Variants in CTNNA3 observed in about 807,000 individuals in gnomAD.
CTNNA3 encodes the protein catenin alpha-3.
CTNNA3 carries 76 observed loss-of-function variants against 95.7 expected under a neutral mutation model. That is an observed-to-expected ratio of 0.79 (90% CI 0.66 to 0.96). CTNNA3 has a LOEUF of 0.96. CTNNA3 is among the 40% of genes least tolerant of loss of function. CTNNA3 has a pLI of 0.00. For synonymous variants in CTNNA3, 431 were observed against 374.4 expected, an observed-to-expected ratio of 1.15 and a Z score of -1.74; for missense variants, 1,191 against 1,089.8, an observed-to-expected ratio of 1.09 and a Z score of -1.31.
intron 7 of CTNNA3, among the ~76,000 whole-genome samples, chr10:66,786,371 C>A (rs1394337869): frequency 1.3e-5 from 2 of 152,108 alleles, no homozygotes; most frequent in Non-Finnish European, 2.9e-5. Flanking sequence ...CTTCAGCTCT[C>A]CTTCCTCCTC....
intron 5 of CTNNA3, among the ~76,000 whole-genome samples, chr10:67,489,412 T>C (rs1848570372): frequency 6.6e-6 from 1 of 152,170 alleles, no homozygotes; most frequent in African/African-American, 2.4e-5. Context: ...AAATGAATCA[T>C]TACTTCTCAA....
intron 1 of CTNNA3, among the ~76,000 whole-genome samples, chr10:67,735,625 T>C (rs1410989463): frequency 2.0e-5 from 3 of 152,122 alleles, no homozygotes; most frequent in African/African-American, 7.2e-5. Context: ...ATTAAGATGG[T>C]TATGTTTTTA....
At chr10:66,702,772 C>T (rs1336513597) in intron 9 of CTNNA3, among the ~76,000 whole-genome samples, 1 of 137,764 alleles carries the variant, frequency 7.3e-6, no homozygotes, top group African/African-American at 3.0e-5. Flanking sequence ...TAGCCATCGT[C>T]GTCGTCGTTG....
intron 5 of CTNNA3, among the ~76,000 whole-genome samples, chr10:67,230,463 GC>G (rs1277768059): frequency 1.3e-5 from 2 of 152,066 alleles, no homozygotes; most frequent in African/African-American, 4.8e-5. Context: ...AAACTAAAGA[GC>G]TTTTGCATGG....
At chr10:66,335,022 C>T (rs538872562) in intron 12 of CTNNA3, among the ~76,000 whole-genome samples, 8 of 152,170 alleles carry the variant, frequency 5.3e-5, no homozygotes, top group East Asian at 1.9e-4. Flanking sequence ...TTGATCGAAT[C>T]GGCTACTGAG....
intron 11 of CTNNA3, among the ~76,000 whole-genome samples, chr10:66,446,116 T>C (rs1270043701): frequency 1.3e-5 from 2 of 152,074 alleles, no homozygotes; most frequent in African/African-American, 2.4e-5. Flanking sequence ...CTCCCAAGAC[T>C]AAACCAGGAA....
chr10:66,610,300 T>C (rs1036970504), intron 10 of CTNNA3, among the ~76,000 whole-genome samples: 4 of 152,066 alleles, frequency 2.6e-5, no homozygotes, highest in South Asian at 4.1e-4. Flanking sequence ...GCTTACCCTA[T>C]GTAACAAACC....
At chr10:67,264,484 C>A (rs1021410217) in intron 5 of CTNNA3, among the ~76,000 whole-genome samples, 4 of 152,154 alleles carry the variant, frequency 2.6e-5, no homozygotes, top group Non-Finnish European at 5.9e-5. Flanking sequence ...AGGTAAGTAA[C>A]ATGCCCAGTT....
chr10:67,224,115 G>A (rs1046412902), intron 5 of CTNNA3, among the ~76,000 whole-genome samples: 4 of 152,096 alleles, frequency 2.6e-5, no homozygotes, highest in African/African-American at 9.7e-5. Flanking sequence ...GAACATGTAA[G>A]ATCTATTCTC....
At chr10:66,606,469 T>C (rs1303155533) in intron 10 of CTNNA3, among the ~76,000 whole-genome samples, 1 of 152,092 alleles carries the variant, frequency 6.6e-6, no homozygotes, top group Non-Finnish European at 1.5e-5. Context: ...AATACATTCT[T>C]CTCATCACCA....
intron 5 of CTNNA3, among the ~76,000 whole-genome samples, chr10:67,220,245 T>C (rs990962250): frequency 6.6e-5 from 10 of 152,214 alleles, no homozygotes; most frequent in Admixed American, 1.3e-4. Flanking sequence ...TCCATAGATG[T>C]TGATAATTGC....
At chr10:65,984,100 T>C (rs911519239) in intron 16 of CTNNA3, among the ~76,000 whole-genome samples, 3 of 151,324 alleles carry the variant, frequency 2.0e-5, no homozygotes, top group African/African-American at 7.2e-5. Context: ...GAATGGATAT[T>C]ACTGTTTGAC....
At chr10:66,898,180 T>C (rs1845578277) in intron 7 of CTNNA3, among the ~76,000 whole-genome samples, 1 of 152,186 alleles carries the variant, frequency 6.6e-6, no homozygotes, top group Admixed American at 6.5e-5. Flanking sequence ...AACAACTCAA[T>C]GGTCATATCT....
intron 7 of CTNNA3, among the ~76,000 whole-genome samples, chr10:66,979,766 A>G (rs1005017991): frequency 3.9e-5 from 6 of 152,214 alleles, no homozygotes; most frequent in African/African-American, 1.4e-4. Context: ...ATCATAATAG[A>G]ACTACAGCTT....
chr10:66,209,400 A>T (rs1431720119), intron 13 of CTNNA3, among the ~76,000 whole-genome samples: 1 of 152,196 alleles, frequency 6.6e-6, no homozygotes, highest in Non-Finnish European at 1.5e-5. Flanking sequence ...AGTCAGTTAC[A>T]ATTTTAAATA....
At chr10:67,142,349 A>T (rs975682461) in intron 7 of CTNNA3, among the ~76,000 whole-genome samples, 1 of 152,170 alleles carries the variant, frequency 6.6e-6, no homozygotes, top group African/African-American at 2.4e-5. Flanking sequence ...AAATTTTTTT[A>T]ATGTGTATTA....
At chr10:66,859,168 A>G (rs1205902462) in intron 7 of CTNNA3, among the ~76,000 whole-genome samples, 4 of 152,088 alleles carry the variant, frequency 2.6e-5, no homozygotes, top group Non-Finnish European at 5.9e-5. Context: ...AGGAGTGTGT[A>G]TTAAGAAAAT....
chr10:67,131,397 T>C (rs1310228076), intron 7 of CTNNA3, among the ~76,000 whole-genome samples: 2 of 152,126 alleles, frequency 1.3e-5, no homozygotes, highest in African/African-American at 2.4e-5. Context: ...TGTGAAACCA[T>C]TTAAACAATA....
intron 9 of CTNNA3, among the ~76,000 whole-genome samples, chr10:66,671,552 T>C (rs1411363699): frequency 1.3e-5 from 2 of 152,216 alleles, no homozygotes; most frequent in African/African-American, 4.8e-5. Context: ...TTAAAGTACT[T>C]TTGAATTTTC....
Sources: allele counts gnomAD v4.1 joint callset (sites outside exome capture counted in the v4.1 genomes callset), GRCh38; gene constraint gnomAD v4.1.1; transcripts MANE v1.5; gene names NCBI Gene and HGNC (gene_info 2026-07-23, HGNC 2026-07-21).